EYS: variants seen among roughly 807,000 people sequenced by gnomAD.
The protein encoded by EYS is EGF-like photoreceptor maintenance factor.
Under a neutral mutation model 282.1 loss-of-function variants are expected in EYS, and 250 were observed. The observed-to-expected ratio is 0.89, with a 90% CI of 0.80 to 0.98. EYS has a LOEUF of 0.98. Ranked by LOEUF, EYS falls within the 50% of genes least tolerant of loss-of-function variation. EYS has a pLI of 0.00. For missense variants in EYS, 4,016 were observed against 3,709.0 expected (o/e 1.08, Z -2.15); for synonymous variants, 1,355 against 1,282.9 (o/e 1.06, Z -1.20).
chr6:65,314,231 C>T (rs1246672647), intron 11 of EYS, among the ~76,000 whole-genome samples: 3 of 150,762 alleles, frequency 2.0e-5, no homozygotes, highest in South Asian at 4.2e-4. Flanking sequence ...AAAATCGAAA[C>T]CCCCCCTCCA....
chr6:65,132,907 T>C (rs948464956), intron 12 of EYS, among the ~76,000 whole-genome samples: 3 of 151,964 alleles, frequency 2.0e-5, no homozygotes, highest in Admixed American at 6.6e-5. Context: ...CTAGCATTCT[T>C]ACACACCAAG....
At chr6:64,757,192 T>A (rs1772968211) in intron 22 of EYS, among the ~76,000 whole-genome samples, 1 of 152,188 alleles carries the variant, frequency 6.6e-6, no homozygotes, top group Non-Finnish European at 1.5e-5. Flanking sequence ...TGATGTTTTT[T>A]GTCTGTAAGA....
At chr6:64,783,010 T>C (rs1454990029) in intron 22 of EYS, among the ~76,000 whole-genome samples, 1 of 152,176 alleles carries the variant, frequency 6.6e-6, no homozygotes, top group Non-Finnish European at 1.5e-5. Context: ...ATGCCATGCT[T>C]AGTAGTGTGA....
At chr6:64,991,300 T>C (rs1257543964) in intron 14 of EYS, among the ~76,000 whole-genome samples, 2 of 151,608 alleles carry the variant, frequency 1.3e-5, no homozygotes, top group African/African-American at 4.8e-5. Context: ...CTGTTTAAAA[T>C]GGGCATGACC....
chr6:65,314,236 C>A (rs1299141840), intron 11 of EYS, among the ~76,000 whole-genome samples: 3 of 151,004 alleles, frequency 2.0e-5, no homozygotes, highest in Non-Finnish European at 4.4e-5. Context: ...CGAAACCCCC[C>A]CTCCACAATT....
At chr6:64,315,465 A>G (rs1769918902) in intron 29 of EYS, among the ~76,000 whole-genome samples, 1 of 151,976 alleles carries the variant, frequency 6.6e-6, no homozygotes, top group African/African-American at 2.4e-5. Context: ...CACATACACA[A>G]AAAGAACATT....
At chr6:63,871,691 T>C (rs1278945163) in intron 35 of EYS, among the ~76,000 whole-genome samples, 2 of 151,844 alleles carry the variant, frequency 1.3e-5, no homozygotes, top group Admixed American at 6.6e-5. Flanking sequence ...GAATGTGTTG[T>C]TTGTTAGTTC....
At chr6:64,746,451 T>C (rs1167338001) in intron 22 of EYS, among the ~76,000 whole-genome samples, 1 of 152,088 alleles carries the variant, frequency 6.6e-6, no homozygotes, top group Non-Finnish European at 1.5e-5. Context: ...AGCCAATACA[T>C]ATATGTTCAT....
intron 1 of EYS, among the ~76,000 whole-genome samples, chr6:65,696,029 T>G (rs1769443236): frequency 2.0e-5 from 3 of 152,004 alleles, no homozygotes; most frequent in Non-Finnish European, 4.4e-5. Flanking sequence ...TAGCTTGTTT[T>G]GGCAGGAGAA....
chr6:65,555,023 AAC>A (rs1768744779), intron 2 of EYS, among the ~76,000 whole-genome samples: 20 of 152,154 alleles, frequency 1.3e-4, no homozygotes, highest in Admixed American at 1.3e-3. Context: ...AAAAAAAAGA[AAC>A]AATTCAAATT....
chr6:65,442,075 A>G (rs971848156), intron 5 of EYS, among the ~76,000 whole-genome samples: 7 of 152,106 alleles, frequency 4.6e-5, no homozygotes, highest in Admixed American at 4.6e-4. Context: ...TAGAATTTAT[A>G]GTAATTTTAT....
chr6:64,511,040 A>G (rs16895394), intron 26 of EYS, among the ~76,000 whole-genome samples: 45,602 of 151,586 alleles, frequency 0.3, 6,913 homozygotes, highest in East Asian at 0.46. Flanking sequence ...AATAGCAAAG[A>G]TGGGAGAAAT....
In EYS at chr6:64,154,003, T is replaced by C. The variant is rs954769894; in HGVS notation, c.6425-72001A>G. Among the ~76,000 whole-genome samples the C allele has an allele frequency of 8.5e-5, 13 of 152,344 alleles. No individual in the cohort carries two copies. In the South Asian group the frequency reaches 2.7e-3, roughly 32 times the overall value. On this transcript the variant is annotated intron_variant, in intron 31 of 42. Coordinates refer to ENST00000503581, the MANE Select transcript of EYS (RefSeq NM_001142800.2). ...CAGATTATCCAAAGATACAGTATGA[T>C]AGGATTATTATAATACTTGAAAATT...
intron 31 of EYS, among the ~76,000 whole-genome samples, chr6:64,203,355 T>C (rs1027817322): frequency 2.6e-5 from 4 of 152,184 alleles, no homozygotes; most frequent in African/African-American, 9.7e-5. Context: ...TGGGCATTAC[T>C]GTAAATCTGA....
At chr6:65,438,648 A>C (rs1270965987) in intron 5 of EYS, among the ~76,000 whole-genome samples, 1 of 151,992 alleles carries the variant, frequency 6.6e-6, no homozygotes, top group African/African-American at 2.4e-5. Context: ...TGGCTGCATA[A>C]ATGTTTTCTT....
chr6:65,644,363 A>G (rs1435907667), intron 1 of EYS, among the ~76,000 whole-genome samples: 1 of 152,204 alleles, frequency 6.6e-6, no homozygotes, highest in Non-Finnish European at 1.5e-5. Flanking sequence ...CAATCCATCA[A>G]AGACAAAAAA....
At chr6:64,718,634 A>C (rs1449448331) in intron 22 of EYS, among the ~76,000 whole-genome samples, 1 of 152,216 alleles carries the variant, frequency 6.6e-6, no homozygotes, top group African/African-American at 2.4e-5. Context: ...CATTTTAGGA[A>C]TACATATGCC....
chr6:64,543,264 T>C (rs1002317161), intron 26 of EYS, among the ~76,000 whole-genome samples: 7 of 152,200 alleles, frequency 4.6e-5, no homozygotes, highest in African/African-American at 1.4e-4. Context: ...CACCAGAGAT[T>C]AGAAAAGAAT....
At chr6:65,531,230 G>A (rs942408944) in intron 2 of EYS, among the ~76,000 whole-genome samples, 3 of 152,122 alleles carry the variant, frequency 2.0e-5, no homozygotes, top group Non-Finnish European at 4.4e-5. Flanking sequence ...CTCCCGGCAA[G>A]AGGGAAATAA....
Sources: gnomAD v4.1 joint callset for allele counts (sites outside exome capture counted in the v4.1 genomes callset) on GRCh38, gnomAD v4.1.1 for gene constraint, MANE v1.5 for transcripts, NCBI Gene and HGNC (gene_info 2026-07-23, HGNC 2026-07-21) for gene names.